The following PTPRE variants were observed in gnomAD, a reference collection of about 807,000 sequenced individuals.
PTPRE encodes receptor-type tyrosine-protein phosphatase epsilon.
In PTPRE, 51 loss-of-function variants were observed where a neutral mutation model predicts 102.0. The ratio of observed to expected loss-of-function variants is 0.50; its 90% CI spans 0.40 to 0.63. The LOEUF (loss-of-function observed/expected upper bound fraction) is 0.63, where lower values mean the gene tolerates loss of function less well. Among genes scored for constraint, PTPRE ranks in the 30% least tolerant of loss-of-function variants. The probability of loss-of-function intolerance (pLI) is 0.00; values close to 1 mark genes in which losing one functional copy is unlikely to be tolerated. For synonymous variants in PTPRE, 345 were observed against 348.2 expected (o/e 0.99, Z 0.10); for missense variants, 752 against 915.1 (o/e 0.82, Z 2.30).
At chr10:127,957,808 G>A (rs549478190) in intron 1 of PTPRE, among the ~76,000 whole-genome samples, 2 of 152,322 alleles carry the variant, frequency 1.3e-5, no homozygotes, top group South Asian at 4.1e-4. Context: ...CATCCTGACA[G>A]TTTTAAATTT....
chr10:127,982,433 T>G (rs1851708908), intron 2 of PTPRE, 137 bp downstream of exon 2: 1 of 558,460 alleles, frequency 1.8e-6, no homozygotes, highest in Non-Finnish European at 2.7e-6. Flanking sequence ...TATTTGAATT[T>G]TATGCCTTAC....
chr10:128,010,332 A>G (rs978575045), intron 2 of PTPRE, among the ~76,000 whole-genome samples: 1 of 152,258 alleles, frequency 6.6e-6, no homozygotes, highest in Non-Finnish European at 1.5e-5. Context: ...CCTTTGCTAA[A>G]GACAGCAGAG....
At chr10:127,983,146 T>A (rs1028953824) in intron 2 of PTPRE, among the ~76,000 whole-genome samples, 5 of 152,198 alleles carry the variant, frequency 3.3e-5, no homozygotes, top group Non-Finnish European at 7.3e-5. Flanking sequence ...GCTGGCCCTC[T>A]TTTTTAGGCA....
At position 127,945,042 on chromosome 10, in the gene PTPRE, A is replaced by G. The variant is rs533331314; in HGVS notation, c.-30-37232A>G. 4.6e-5 allele frequency among the ~76,000 whole-genome samples: 7 copies of G among 152,316 alleles called. No individual in the cohort carries two copies. In the South Asian group the frequency reaches 1.4e-3, roughly 32 times the overall value. Reference sequence around the variant, plus strand: ...TGGATCGTTGTGACTGTCATGGGCCAGGAGTGCCTTGTGGCATGGATCTGT... The same window carrying G: ...TGGATCGTTGTGACTGTCATGGGCCGGGAGTGCCTTGTGGCATGGATCTGT... On this transcript the variant is annotated intron_variant, in intron 1 of 20. Transcript: ENST00000254667.
At chr10:128,029,848 G>A (rs1225024090) in intron 2 of PTPRE, among the ~76,000 whole-genome samples, 1 of 152,354 alleles carries the variant, frequency 6.6e-6, no homozygotes, top group African/African-American at 2.4e-5. Context: ...CCACCTGCCT[G>A]CACAGACAGC....
At chr10:128,033,585 C>A (rs1257695211) in intron 2 of PTPRE, among the ~76,000 whole-genome samples, 1 of 152,154 alleles carries the variant, frequency 6.6e-6, no homozygotes, top group Non-Finnish European at 1.5e-5. Flanking sequence ...TTGGGTAAAG[C>A]TCGGCATTTG....
rs11815722 is a variant in PTPRE, at chr10:127,979,986, G to T, written c.-30-2288G>T. ...CCATTCCTGGCTTCTTCCCTTGCTT[G>T]GCCCCAGTCAAACATCACGAGTCAC... On this transcript the variant is annotated intron_variant, in intron 1 of 20. Transcript: ENST00000254667. Among the ~76,000 whole-genome samples, 7 of 152,068 alleles carry T rather than the reference G, an allele frequency of 4.6e-5. No homozygotes were observed. The South Asian group carries it at 8.3e-4, about 18-fold the overall frequency.
intron 1 of PTPRE, among the ~76,000 whole-genome samples, chr10:127,976,744 A>G (rs1194594459): frequency 6.6e-6 from 1 of 152,232 alleles, no homozygotes; most frequent in Non-Finnish European, 1.5e-5. Flanking sequence ...CCCCAAGTTC[A>G]GTAGCTCCTT....
intron 2 of PTPRE, among the ~76,000 whole-genome samples, chr10:127,990,346 A>C (rs891609304): frequency 1.5e-5 from 2 of 134,688 alleles, no homozygotes; most frequent in Non-Finnish European, 3.1e-5. Context: ...CAGGAGGCGG[A>C]GGTTGCAGTG....
intron 6 of PTPRE, among the ~76,000 whole-genome samples, chr10:128,052,557 C>T (rs375326205): frequency 3.2e-4 from 48 of 152,224 alleles, no homozygotes; most frequent in African/African-American, 1.0e-3. Context: ...TGAATCCTTA[C>T]GAGACCGCAC....
chr10:128,049,469 T>C, intron 5 of PTPRE, 61 bp from the exon 6 acceptor site: 1 of 1,584,686 alleles, frequency 6.3e-7, no homozygotes, highest in South Asian at 1.1e-5. Flanking sequence ...TCAGCTTGGT[T>C]ACTCAGTCGC....
At chr10:127,963,569 C>T (rs141525831) in intron 1 of PTPRE, among the ~76,000 whole-genome samples, 1 of 152,090 alleles carries the variant, frequency 6.6e-6, no homozygotes, top group African/African-American at 2.4e-5. Context: ...TAGGCAGAGC[C>T]GAGTTGAGAC....
At chr10:127,942,802 G>A (rs1848342982) in intron 1 of PTPRE, among the ~76,000 whole-genome samples, 1 of 152,170 alleles carries the variant, frequency 6.6e-6, no homozygotes, top group African/African-American at 2.4e-5. Flanking sequence ...AGTGATGATG[G>A]TTGCACAGCA....
intron 1 of PTPRE, among the ~76,000 whole-genome samples, chr10:127,976,344 AGCAGACACTCGTACTT>A (rs1216696996): frequency 1.3e-5 from 2 of 152,334 alleles, no homozygotes; most frequent in East Asian, 3.9e-4. Context: ...TATGGAAACC[AGCAGACACTCGTACTT>A]GCAAAGGAGG....
intron 3 of PTPRE, among the ~76,000 whole-genome samples, chr10:128,045,077 G>A (rs910560201): frequency 6.6e-6 from 1 of 152,212 alleles, no homozygotes; most frequent in African/African-American, 2.4e-5. Flanking sequence ...ACCCAGGGAT[G>A]TTCTTACCTG....
chr10:128,020,412 A>G (rs1156650814), intron 2 of PTPRE, among the ~76,000 whole-genome samples: 1 of 152,200 alleles, frequency 6.6e-6, no homozygotes, highest in East Asian at 1.9e-4. Context: ...TTTTCACTGA[A>G]TGGCTGTTAT....
chr10:128,001,442 G>C (rs1408657571), intron 2 of PTPRE, among the ~76,000 whole-genome samples: 1 of 152,194 alleles, frequency 6.6e-6, no homozygotes, highest in Non-Finnish European at 1.5e-5. Flanking sequence ...CTGGGGGATT[G>C]TGGACATTTT....
chr10:128,065,945 CTTGT>C (rs1234317877), intron 10 of PTPRE, 126 bp from the exon 11 acceptor site: 24 of 1,370,134 alleles, frequency 1.8e-5, no homozygotes, highest in East Asian at 2.3e-5. Flanking sequence ...CACACGTGAA[CTTGT>C]TTCTCAGCTG....
intron 2 of PTPRE, among the ~76,000 whole-genome samples, chr10:128,004,324 T>G (rs562395893): frequency 6.6e-6 from 1 of 151,974 alleles, no homozygotes; most frequent in African/African-American, 2.4e-5. Flanking sequence ...GTTTTGTACA[T>G]TCACAGTGTT....
Sources: allele counts gnomAD v4.1 joint callset (sites outside exome capture counted in the v4.1 genomes callset), GRCh38; gene constraint gnomAD v4.1.1; transcripts MANE v1.5; gene names NCBI Gene and HGNC (gene_info 2026-07-23, HGNC 2026-07-21).